Variants in WDPCP observed in about 807,000 individuals in gnomAD.
WDPCP encodes the protein WD repeat containing planar cell polarity effector.
WDPCP carries 71 observed loss-of-function variants against 93.1 expected under a neutral mutation model. The observed-to-expected ratio is 0.76, with a 90% CI of 0.63 to 0.93. The LOEUF (loss-of-function observed/expected upper bound fraction) is 0.93, where lower values mean the gene tolerates loss of function less well. Ranked by LOEUF, WDPCP falls within the 40% of genes least tolerant of loss-of-function variation. WDPCP has a pLI of 0.00. For missense variants in WDPCP, 844 were observed against 887.4 expected, an observed-to-expected ratio of 0.95 and a Z score of 0.62; for synonymous variants, 315 against 315.0, an observed-to-expected ratio of 1.00 and a Z score of 0.00.
upstream of WDPCP, chr2:63,588,951 C>T: frequency 9.5e-6 from 15 of 1,582,982 alleles, no homozygotes; most frequent in Non-Finnish European, 1.2e-5. Flanking sequence ...GCTAACACCG[C>T]TCGCCCTCTC....
rs1674873654 is a variant in WDPCP at position 63,189,394 on chromosome 2, TG to T, written c.1916-14563del. On this transcript the variant is annotated intron_variant, in intron 14 of 17. Transcript: ENST00000272321. Reference sequence around the variant, plus strand: ...CAGGCACCATCCATTCTCTTGTTTTTGCACTTGCCTGAGTCCTGTAGTCCAT... The same window carrying T: ...CAGGCACCATCCATTCTCTTGTTTTTCACTTGCCTGAGTCCTGTAGTCCAT... 3.3e-5 allele frequency among the ~76,000 whole-genome samples: 5 copies of T among 152,246 alleles called. No individual in the cohort carries two copies. In the South Asian group the frequency reaches 1.0e-3, roughly 31 times the overall value.
chr2:63,373,248 T>TTTG lies in WDPCP; in HGVS notation c.1748+5135_1748+5137dup, dbSNP rs1350713824. On this transcript the variant is annotated intron_variant, in intron 12 of 17. Transcript: ENST00000272321. ...TTTAAATTTTCTTTGTTTTCATTTT[T>TTTG]TTGTTGTTTTTTTTTTTCTTTTAAA... 1.9e-4 allele frequency among the ~76,000 whole-genome samples: 20 copies of TTTG among 106,402 alleles called. 1 individual carries two copies. Among genetic ancestry groups the TTTG allele is most frequent in the East Asian group, 4.5e-4 (2 of 4,494 alleles). 69.8% of individuals were successfully genotyped at this position (106,402 alleles called of 152,430 possible).
intron 1 of WDPCP, among the ~76,000 whole-genome samples, chr2:63,822,756 C>A (rs569320847): frequency 1.3e-5 from 2 of 151,926 alleles, no homozygotes; most frequent in Non-Finnish European, 2.9e-5. Flanking sequence ...TGTGGTGGCA[C>A]GCAGTGGTAG....
At chr2:63,508,103 C>A in intron 1 of WDPCP, among the ~76,000 whole-genome samples, 1 of 151,970 alleles carries the variant, frequency 6.6e-6, no homozygotes, top group East Asian at 1.9e-4. Flanking sequence ...AGATGCTCCT[C>A]GAGAAGAGCA....
chr2:63,497,111 C>CTA (rs1701272184), intron 1 of WDPCP, among the ~76,000 whole-genome samples: 1 of 72,482 alleles, frequency 1.4e-5, no homozygotes, highest in Non-Finnish European at 2.5e-5. Flanking sequence ...GACTCCATCT[C>CTA]AAAAAAAAAA....
At chr2:63,397,446 G>A (rs1338401897) in intron 10 of WDPCP, among the ~76,000 whole-genome samples, 2 of 152,178 alleles carry the variant, frequency 1.3e-5, no homozygotes, top group Admixed American at 6.6e-5. Context: ...AGATGAATAT[G>A]TGGATGTGGA....
chr2:63,787,038 A>G (rs1670477043), intron 2 of WDPCP, among the ~76,000 whole-genome samples: 1 of 152,232 alleles, frequency 6.6e-6, no homozygotes, highest in Non-Finnish European at 1.5e-5. Flanking sequence ...GTTGATCATG[A>G]CAATTCTAAC....
In WDPCP at chr2:63,577,848, ATTAAC is replaced by A. The variant is rs773063261; in HGVS notation, c.75+10344_75+10348del. Among the ~76,000 whole-genome samples, 3 of 152,210 alleles carry A rather than the reference ATTAAC, an allele frequency of 2.0e-5. 1 individual carries two copies. The highest frequency in any genetic ancestry group is 1.9e-4 in the East Asian group (1 of 5,204). On this transcript the variant is annotated intron_variant, in intron 1 of 17. Coordinates refer to ENST00000272321, the MANE Select transcript of WDPCP (RefSeq NM_015910.7). ...TTTAAATTTTTTAATTATACATGGA[ATTAAC>A]TTAAATACTGCACTTTAAACAATTA...
rs76685132 is a variant in WDPCP, at chr2:63,570,410, C to T, written c.75+17787G>A. Among the ~76,000 whole-genome samples, 1,399 of 152,300 alleles carry T rather than the reference C, an allele frequency of 9.2e-3. 26 individuals are homozygous for T. Among genetic ancestry groups the T allele is most frequent in the Admixed American group, 0.039 (589 of 15,286 alleles). On this transcript the variant is annotated intron_variant, in intron 1 of 17. Coordinates refer to ENST00000272321, the MANE Select transcript of WDPCP (RefSeq NM_015910.7). ...ATTTTTCTATCCTCCCCTTAACCTT[C>T]ACCTCATCAACTTTTCCCTTAGCTT...
chr2:63,766,271 G>T (rs1393397767), intron 2 of WDPCP, among the ~76,000 whole-genome samples: 1 of 151,866 alleles, frequency 6.6e-6, no homozygotes, highest in Non-Finnish European at 1.5e-5. Context: ...TTTTATTTAA[G>T]GTATGTTTTT....
chr2:63,837,169 A>G, the WDPCP span, among the ~76,000 whole-genome samples: 1 of 152,236 alleles, frequency 6.6e-6, no homozygotes, highest in Non-Finnish European at 1.5e-5. Flanking sequence ...GAAAGAATGA[A>G]GTCTTTCTCT....
chr2:63,550,450 T>C (rs1176520947), intron 1 of WDPCP, among the ~76,000 whole-genome samples: 1 of 152,150 alleles, frequency 6.6e-6, no homozygotes, highest in Non-Finnish European at 1.5e-5. Context: ...TCTCCTATTA[T>C]TTGACACTGT....
chr2:63,744,402 C>A (rs1040206736), intron 2 of WDPCP, among the ~76,000 whole-genome samples: 8 of 152,034 alleles, frequency 5.3e-5, no homozygotes, highest in African/African-American at 1.9e-4. Context: ...AGACAGCCAC[C>A]GTAATGTTGC....
At chr2:63,352,401 C>T (rs1689699173) in intron 12 of WDPCP, among the ~76,000 whole-genome samples, 1 of 152,094 alleles carries the variant, frequency 6.6e-6, no homozygotes, top group South Asian at 2.1e-4. Context: ...TTTCTGCTCC[C>T]AACAAATTCA....
At chr2:63,605,880 T>A in intron 3 of WDPCP, 2 of 1,363,440 alleles carry the variant, frequency 1.5e-6, no homozygotes, top group Non-Finnish European at 2.1e-6. Context: ...ATTTTATTAG[T>A]TCATGTGTCA....
intron 3 of WDPCP, chr2:63,595,369 T>G: frequency 9.3e-7 from 1 of 1,079,958 alleles, no homozygotes; most frequent in Non-Finnish European, 1.4e-6. Context: ...AAGACTTTCT[T>G]GTGTCTAAAT....
intron 13 of WDPCP, among the ~76,000 whole-genome samples, chr2:63,286,579 C>T (rs1044611160): frequency 2.0e-5 from 3 of 152,212 alleles, no homozygotes; most frequent in Non-Finnish European, 2.9e-5. Flanking sequence ...TCTTTTCGGA[C>T]TCAGCCCGCC....
chr2:63,550,311 G>A (rs1277335832), intron 1 of WDPCP, among the ~76,000 whole-genome samples: 1 of 151,450 alleles, frequency 6.6e-6, no homozygotes, highest in Non-Finnish European at 1.5e-5. Context: ...TTTTCTTCAT[G>A]TATTCACAAT....
intron 17 of WDPCP, among the ~76,000 whole-genome samples, chr2:63,147,030 T>C (rs1204107564): frequency 6.6e-6 from 1 of 152,202 alleles, no homozygotes; most frequent in African/African-American, 2.4e-5. Context: ...CAACATTTAG[T>C]GACACCTATA....
Sources: gnomAD v4.1 joint callset for allele counts (sites outside exome capture counted in the v4.1 genomes callset) on GRCh38, gnomAD v4.1.1 for gene constraint, MANE v1.5 for transcripts, NCBI Gene and HGNC (gene_info 2026-07-23, HGNC 2026-07-21) for gene names.